The following HRK variants were observed in gnomAD, a reference collection of about 807,000 sequenced individuals.
HRK encodes harakiri, BCL2 interacting protein, also known as activator of apoptosis harakiri.
A neutral mutation model predicts 5.9 loss-of-function variants in HRK; 6 were observed. That is an observed-to-expected ratio of 1.02 (90% CI 0.56 to 2.01). The LOEUF (loss-of-function observed/expected upper bound fraction) is 2.01, where lower values mean the gene tolerates loss of function less well. HRK is among the 30% of genes most tolerant of loss of function. HRK has a pLI of 0.00. For synonymous variants in HRK, 85 were observed against 65.1 expected, an observed-to-expected ratio of 1.31 and a Z score of -1.47; for missense variants, 133 against 128.3, an observed-to-expected ratio of 1.04 and a Z score of -0.18.
chr12:116,880,498 G>A (rs1879105630), intron 1 of HRK, among the ~76,000 whole-genome samples: 1 of 152,218 alleles, frequency 6.6e-6, no homozygotes, highest in African/African-American at 2.4e-5. Flanking sequence ...GACACTTAGG[G>A]ACAAGAGGTT....
At chr12:116,869,788 C>T (rs1293542187) in intron 1 of HRK, 1 of 152,180 alleles carries the variant, frequency 6.6e-6, no homozygotes, top group Non-Finnish European at 1.5e-5. Flanking sequence ...GAAAAATGGA[C>T]CTTGGCCACG....
chr12:116,868,968 G>GTTT (rs34491902), intron 1 of HRK, among the ~76,000 whole-genome samples: 1 of 146,272 alleles, frequency 6.8e-6, no homozygotes. Context: ...CTTCTTCTTC[G>GTTT]TTTTTTTTTT....
rs921724631 is a variant in HRK at position 116,856,264 on chromosome 12, A to G, written c.*5259T>C. The stretch of plus-strand genomic sequence containing the variant: ...GTCAGAACCAACAACGTCAGAACCC[A>G]GAACGGAACGTCCCCAAGCTTATTG... On this transcript the variant is annotated 3_prime_UTR_variant, in exon 2 of 2. Transcript: ENST00000257572. The surrounding 1 kb of genome is among the most constrained non-coding windows in gnomAD (Gnocchi z 4.4). 3.3e-5 allele frequency: 5 copies of G among 152,236 alleles called. No homozygotes were observed. Among genetic ancestry groups the G allele is most frequent in the Non-Finnish European group, 7.3e-5 (5 of 68,048 alleles). The allele number at this position is 152,236 out of a possible 1,614,324, so 9.4% of individuals were successfully genotyped here. A position where few individuals can be genotyped will look rare whatever the true frequency, so the allele number is the denominator to read the frequency against.
rs956356743 is a variant in HRK, at chr12:116,858,896, T to A, written c.*2627A>T. ...ACAACAGGAGAGATGGTGGAGACAA[T>A]ATATACATATATATCATGCTTCAAT... is the stretch of plus-strand genomic sequence containing the variant. On this transcript the variant is annotated 3_prime_UTR_variant, in exon 2 of 2. Transcript: ENST00000257572. 6.6e-6 allele frequency: 1 copy of A among 151,970 alleles called. No homozygotes were observed. Among genetic ancestry groups the A allele is most frequent in the African/African-American group, 2.4e-5 (1 of 41,356 alleles). The allele number at this position is 151,970 out of a possible 1,614,324, so 9.4% of individuals were successfully genotyped here. A position where few individuals can be genotyped will look rare whatever the true frequency, so the allele number is the denominator to read the frequency against.
At chr12:116,873,077 C>T (rs1393777853) in intron 1 of HRK, among the ~76,000 whole-genome samples, 1 of 152,182 alleles carries the variant, frequency 6.6e-6, no homozygotes, top group East Asian at 1.9e-4. Flanking sequence ...CTGCTCAAAG[C>T]TGAACCTCCT....
chr12:116,868,784 C>T (rs908666039), intron 1 of HRK, among the ~76,000 whole-genome samples: 11 of 152,144 alleles, frequency 7.2e-5, no homozygotes, highest in African/African-American at 2.2e-4. Context: ...CAGTGTTGCC[C>T]GGGCTGGGAA....
In HRK at chr12:116,869,484, G is replaced by A. The variant is rs1878668395; in HGVS notation, c.*57-8018C>T. 2.6e-5 allele frequency: 4 copies of A among 152,340 alleles called. No individual in the cohort carries two copies. In the South Asian group the frequency reaches 8.3e-4, roughly 32 times the overall value. 9.4% of individuals were successfully genotyped at this position (152,340 alleles called of 1,614,324 possible). A position where few individuals can be genotyped will look rare whatever the true frequency, so the allele number is the denominator to read the frequency against. ...ATCTGCGCCAGCTGCTTTATACATAGTGCTCCTCCAGCACAGATGCTATTA... is the reference window on the plus strand; with the variant it reads ...ATCTGCGCCAGCTGCTTTATACATAATGCTCCTCCAGCACAGATGCTATTA... On this transcript the variant is annotated intron_variant, in intron 1 of 1. Transcript: ENST00000257572.
intron 1 of HRK, among the ~76,000 whole-genome samples, chr12:116,876,428 T>C (rs1376624010): frequency 6.6e-6 from 1 of 152,262 alleles, no homozygotes; most frequent in African/African-American, 2.4e-5. Flanking sequence ...AGTTAGCATG[T>C]CTGGCTGGTG....
At chr12:116,869,847 G>A (rs1878681808) in intron 1 of HRK, among the ~76,000 whole-genome samples, 1 of 152,132 alleles carries the variant, frequency 6.6e-6, no homozygotes, top group South Asian at 2.1e-4. Context: ...GCCAAGGCAG[G>A]CATATCTGGA....
rs780332343 is a variant in HRK, at chr12:116,860,913, A to G, written c.*610T>C. ...GATCTAGCGATCGACCTAGGTAAGT[A>G]CAGAGGGAGAGGCTAGGACGAGTCA... is the stretch of plus-strand genomic sequence containing the variant. On this transcript the variant is annotated 3_prime_UTR_variant, in exon 2 of 2. Transcript: ENST00000257572. The G allele has an allele frequency of 6.6e-6, 1 of 152,178 alleles. No homozygotes were observed. Among genetic ancestry groups the G allele is most frequent in the African/African-American group, 2.4e-5 (1 of 41,422 alleles). 9.4% of individuals were successfully genotyped at this position (152,178 alleles called of 1,614,324 possible).
At chr12:116,872,807 A>C (rs961166549) in intron 1 of HRK, among the ~76,000 whole-genome samples, 12 of 151,020 alleles carry the variant, frequency 7.9e-5, no homozygotes, top group African/African-American at 2.9e-4. Flanking sequence ...ACAGAGACAG[A>C]AACAGAGAGA....
Position 116,858,815 on chromosome 12 carries a change from G to A in HRK, c.*2708C>T, listed in dbSNP as rs1878251398. ...ATGTTGCCAGCACTTTGCACACTGT[G>A]GAAATATTTTTTAAAAAACAAGAAC... On this transcript the variant is annotated 3_prime_UTR_variant, in exon 2 of 2. Transcript: ENST00000257572. 1 of 97,276 alleles carries A rather than the reference G, an allele frequency of 1.0e-5. No homozygotes were observed. The highest frequency in any genetic ancestry group is 2.8e-4 in the South Asian group (1 of 3,528). The allele number at this position is 97,276 out of a possible 1,614,324, so 6.0% of individuals were successfully genotyped here. A position where few individuals can be genotyped will look rare whatever the true frequency, so the allele number is the denominator to read the frequency against.
At chr12:116,867,357 T>A (rs971437366) in intron 1 of HRK, among the ~76,000 whole-genome samples, 2 of 151,850 alleles carry the variant, frequency 1.3e-5, no homozygotes, top group African/African-American at 4.8e-5. Flanking sequence ...TTGGCCAGGC[T>A]GGTCTCGAAC....
intron 1 of HRK, among the ~76,000 whole-genome samples, chr12:116,869,129 A>G (rs1013228873): frequency 3.3e-5 from 5 of 152,116 alleles, no homozygotes; most frequent in Admixed American, 6.5e-5. Flanking sequence ...GTGTGCCACA[A>G]TGCCTGGCTA....
At chr12:116,871,329 G>C (rs965889089) in intron 1 of HRK, among the ~76,000 whole-genome samples, 2 of 151,056 alleles carry the variant, frequency 1.3e-5, no homozygotes, top group African/African-American at 4.9e-5. Flanking sequence ...TTTAGATGGA[G>C]TTTCTCTCTG....
At chr12:116,871,381 C>T (rs2137250271) in intron 1 of HRK, among the ~76,000 whole-genome samples, 1 of 152,012 alleles carries the variant, frequency 6.6e-6, no homozygotes, top group South Asian at 2.1e-4. Flanking sequence ...CGGCTCACTG[C>T]AACCTCCACC....
chr12:116,867,336 G>A (rs1216382392), intron 1 of HRK, among the ~76,000 whole-genome samples: 5 of 151,536 alleles, frequency 3.3e-5, no homozygotes, highest in African/African-American at 1.2e-4. Context: ...TAGAGATGGG[G>A]TTTCACTATG....
chr12:116,878,703 G>A lies in HRK; in HGVS notation c.*56+2273C>T, dbSNP rs542950853. 1.5e-3 allele frequency among the ~76,000 whole-genome samples: 229 copies of A among 152,318 alleles called. 1 individual carries two copies. Among genetic ancestry groups the A allele is most frequent in the African/African-American group, 5.4e-3 (223 of 41,580 alleles). On this transcript the variant is annotated intron_variant, in intron 1 of 1. Coordinates refer to ENST00000257572, the MANE Select transcript of HRK (RefSeq NM_003806.4). This position sits in a 1 kb window ranked among gnomAD's most constrained non-coding sequence, Gnocchi z 4.4. Reference sequence around the variant, plus strand: ...AGCCGAGCGGGGCATCCTGAGGTCAGGGCGCCAGAGGCTGCAGAACCCTGG... The same window carrying A: ...AGCCGAGCGGGGCATCCTGAGGTCAAGGCGCCAGAGGCTGCAGAACCCTGG...
intron 1 of HRK, among the ~76,000 whole-genome samples, chr12:116,863,695 T>G (rs1353174642): frequency 6.6e-6 from 1 of 151,208 alleles, no homozygotes; most frequent in Non-Finnish European, 1.5e-5. Flanking sequence ...TCAAACCTTT[T>G]GCTTTTTTTT....
Sources: gnomAD v4.1 joint callset for allele counts (sites outside exome capture counted in the v4.1 genomes callset) on GRCh38, gnomAD v4.1.1 for gene constraint, Gnocchi (gnomAD v3.1) non-coding constraint, MANE v1.5 for transcripts, NCBI Gene and HGNC (gene_info 2026-07-23, HGNC 2026-07-21) for gene names.